Variants in DSCAM observed in about 807,000 individuals in gnomAD.
DSCAM encodes the protein DS cell adhesion molecule, also known as cell adhesion molecule DSCAM.
Under a neutral mutation model 217.7 loss-of-function variants are expected in DSCAM, and 47 were observed. The observed-to-expected ratio is 0.22, with a 90% CI of 0.17 to 0.28. The LOEUF (loss-of-function observed/expected upper bound fraction) is 0.28. Among genes scored for constraint, DSCAM ranks in the 10% least tolerant of loss-of-function variants. The pLI is 1.00. For synonymous variants in DSCAM, 1,056 were observed against 1,015.3 expected, an observed-to-expected ratio of 1.04 and a Z score of -0.76; for missense variants, 2,080 against 2,618.3, an observed-to-expected ratio of 0.79 and a Z score of 4.49.
intron 3 of DSCAM, among the ~76,000 whole-genome samples, chr21:40,548,094 C>T (rs2076598443): frequency 6.6e-6 from 1 of 152,176 alleles, no homozygotes; most frequent in African/African-American, 2.4e-5. Flanking sequence ...ATTGCCTGCA[C>T]CCTCAGGCAA....
At chr21:40,525,531 T>A (rs1206381177) in intron 3 of DSCAM, among the ~76,000 whole-genome samples, 1 of 152,208 alleles carries the variant, frequency 6.6e-6, no homozygotes, top group Non-Finnish European at 1.5e-5. Context: ...AATTATACAT[T>A]GCTGATAAAC....
intron 3 of DSCAM, among the ~76,000 whole-genome samples, chr21:40,551,674 G>A (rs1317189168): frequency 1.3e-5 from 2 of 152,138 alleles, no homozygotes; most frequent in Non-Finnish European, 2.9e-5. Flanking sequence ...ATATTTTGGG[G>A]TAAAATATTT....
chr21:40,497,366 G>C (rs1034086090), intron 3 of DSCAM, among the ~76,000 whole-genome samples: 7 of 150,196 alleles, frequency 4.7e-5, no homozygotes, highest in African/African-American at 1.7e-4. Context: ...AGTAAAATAA[G>C]CCAGACACAA....
intron 1 of DSCAM, among the ~76,000 whole-genome samples, chr21:40,728,700 A>AT (rs1267902903): frequency 1.3e-5 from 2 of 152,172 alleles, no homozygotes; most frequent in Non-Finnish European, 2.9e-5. Flanking sequence ...GATTACAGGC[A>AT]TGAGCCACCA....
chr21:40,133,077 G>C (rs1024317002), intron 19 of DSCAM, among the ~76,000 whole-genome samples: 2 of 152,302 alleles, frequency 1.3e-5, no homozygotes, highest in African/African-American at 4.8e-5. Flanking sequence ...TTCTATGTGG[G>C]CATCAATTTG....
intron 3 of DSCAM, among the ~76,000 whole-genome samples, chr21:40,425,337 C>T (rs1489174058): frequency 6.6e-6 from 1 of 151,888 alleles, no homozygotes; most frequent in Admixed American, 6.6e-5. Flanking sequence ...ACCAGCCTGG[C>T]CAACATGGTG....
intron 28 of DSCAM, among the ~76,000 whole-genome samples, chr21:40,056,066 C>T (rs1861454672): frequency 6.6e-6 from 1 of 152,164 alleles, no homozygotes; most frequent in African/African-American, 2.4e-5. Context: ...TACAAATTGT[C>T]AATAGAGATT....
At chr21:40,436,800 T>C (rs1324161295) in intron 3 of DSCAM, among the ~76,000 whole-genome samples, 1 of 152,120 alleles carries the variant, frequency 6.6e-6, no homozygotes, top group Non-Finnish European at 1.5e-5. Flanking sequence ...TTTGGGATGA[T>C]AGAGTTCCTG....
chr21:40,486,455 A>C (rs1274509459), intron 3 of DSCAM, among the ~76,000 whole-genome samples: 5 of 151,908 alleles, frequency 3.3e-5, no homozygotes, highest in Non-Finnish European at 7.4e-5. Flanking sequence ...GGCAGGCAGG[A>C]AGGAAGGAAA....
chr21:40,826,552 T>G (rs1402549050), intron 1 of DSCAM, among the ~76,000 whole-genome samples: 10 of 152,154 alleles, frequency 6.6e-5, no homozygotes, highest in Non-Finnish European at 1.5e-4. Flanking sequence ...ATCATGATAG[T>G]CCAGGCAAAA....
At chr21:40,062,804 C>A (rs2089143546) in intron 28 of DSCAM, 65 bp downstream of exon 28, 3 of 1,461,194 alleles carry the variant, frequency 2.1e-6, no homozygotes, top group Non-Finnish European at 1.8e-6. Flanking sequence ...AAATAGAAAT[C>A]ATCAAGGCAA....
At chr21:40,532,537 A>G (rs2076455493) in intron 3 of DSCAM, among the ~76,000 whole-genome samples, 1 of 152,174 alleles carries the variant, frequency 6.6e-6, no homozygotes. Flanking sequence ...GTGGTCAGAA[A>G]TGTCTCATGC....
intron 3 of DSCAM, among the ~76,000 whole-genome samples, chr21:40,685,174 G>A (rs865893361): frequency 1.3e-5 from 2 of 152,180 alleles, no homozygotes; most frequent in South Asian, 2.1e-4. Flanking sequence ...CAAAGTGATC[G>A]TTGAATGTAT....
chr21:40,112,790 C>A (rs1013079970), intron 20 of DSCAM, among the ~76,000 whole-genome samples: 1 of 152,280 alleles, frequency 6.6e-6, no homozygotes, highest in Non-Finnish European at 1.5e-5. Flanking sequence ...ATACACACCT[C>A]TATGCAAATA....
At chr21:40,042,925 CATAA>C (rs990860558) in intron 31 of DSCAM, among the ~76,000 whole-genome samples, 10 of 151,656 alleles carry the variant, frequency 6.6e-5, no homozygotes, top group African/African-American at 1.7e-4. Flanking sequence ...GGGACATTTC[CATAA>C]ATAAATAACG....
intron 1 of DSCAM, among the ~76,000 whole-genome samples, chr21:40,828,910 G>A (rs759129919): frequency 2.0e-5 from 3 of 152,078 alleles, no homozygotes; most frequent in Non-Finnish European, 4.4e-5. Flanking sequence ...CACCCGCCTC[G>A]GCCTCCTGAA....
At chr21:40,505,025 G>A (rs1489508314) in intron 3 of DSCAM, among the ~76,000 whole-genome samples, 1 of 152,128 alleles carries the variant, frequency 6.6e-6, no homozygotes, top group Non-Finnish European at 1.5e-5. Context: ...GGAAGACTGA[G>A]GCCACCACCA....
chr21:40,287,478 G>C (rs2073842525), intron 10 of DSCAM, among the ~76,000 whole-genome samples: 1 of 152,210 alleles, frequency 6.6e-6, no homozygotes, highest in South Asian at 2.1e-4. Flanking sequence ...GCAGGATCAA[G>C]GTGAGCCTTT....
intron 3 of DSCAM, among the ~76,000 whole-genome samples, chr21:40,418,808 G>A (rs1272699019): frequency 6.6e-6 from 1 of 151,440 alleles, no homozygotes; most frequent in Non-Finnish European, 1.5e-5. Flanking sequence ...GAATTAGTGG[G>A]GTAAAATACA....
Sources: allele counts gnomAD v4.1 joint callset (sites outside exome capture counted in the v4.1 genomes callset), GRCh38; gene constraint gnomAD v4.1.1; transcripts MANE v1.5; gene names NCBI Gene and HGNC (gene_info 2026-07-23, HGNC 2026-07-21).